Variants in SZT2 observed in about 807,000 individuals in gnomAD.
SZT2 encodes KICSTOR complex protein SZT2.
In SZT2, 216 loss-of-function variants were observed where a neutral mutation model predicts 404.2. The observed-to-expected ratio is 0.53, with a 90% CI of 0.48 to 0.60. SZT2 has a LOEUF of 0.60. Ranked by LOEUF, SZT2 falls within the 20% of genes least tolerant of loss-of-function variation. The pLI, the probability that SZT2 is intolerant of heterozygous loss-of-function variation, is 0.00. For missense variants in SZT2, 3,857 were observed against 4,459.2 expected (o/e 0.86, Z 3.85); for synonymous variants, 1,693 against 1,749.9 (o/e 0.97, Z 0.81).
rs373445250 is a variant in SZT2, at chr1:43,451,950, C to T, written c.*1470C>T. 12 of 1,612,010 alleles carry T rather than the reference C, an allele frequency of 7.4e-6. No individual in the cohort carries two copies. The African/African-American group carries it at 8.0e-5, about 11-fold the overall frequency. On this transcript the variant is annotated 3_prime_UTR_variant, in exon 72 of 72. Coordinates refer to ENST00000634258, the MANE Select transcript of SZT2 (RefSeq NM_001365999.1). ...GGGGTCGTACCCTGCTGGGGCGTGT[C>T]CAGGAAGTACTGGGGGTCAGTGATG... is the stretch of plus-strand genomic sequence containing the variant.
chr1:43,403,155 AT>A, intron 1 of SZT2, 21 bp from the exon 2 acceptor site: 1 of 1,612,972 alleles, frequency 6.2e-7, no homozygotes, highest in South Asian at 1.1e-5. Flanking sequence ...TTAAAGATGT[AT>A]TAATGTCTCT....
chr1:43,436,965 G>A, intron 42 of SZT2: 1 of 613,826 alleles, frequency 1.6e-6, no homozygotes, highest in South Asian at 2.1e-5. Flanking sequence ...GATAGTTCTG[G>A]AAGCCTTTGT....
rs1309630120 is a variant in SZT2, at chr1:43,426,731, G to C, written c.3231G>C (p.Leu1077=). Residue 1077 remains leucine, a synonymous_variant, in exon 23 of 72, where the codon CTG becomes CTC. Coordinates refer to ENST00000634258, the MANE Select transcript of SZT2 (RefSeq NM_001365999.1). This position sits in a 1 kb window ranked among gnomAD's most constrained non-coding sequence, Gnocchi z 4.9. Reference sequence around the variant, plus strand: ...CCATTGTAGGTGCCGAGGGGCCACTGCTGGGGGTTCATGGGATCCCGAAGG... The same window carrying C: ...CCATTGTAGGTGCCGAGGGGCCACTCCTGGGGGTTCATGGGATCCCGAAGG... ...TCHVPGAEGP[L]LGVHGIPKEQ... 6.2e-7 allele frequency: 1 copy of C among 1,612,478 alleles called. No homozygotes were observed. The highest frequency in any genetic ancestry group is 8.5e-7 in the Non-Finnish European group (1 of 1,179,380).
chr1:43,453,420 C>A lies in SZT2; in HGVS notation c.*2940C>A. On this transcript the variant is annotated 3_prime_UTR_variant, in exon 72 of 72. Transcript: ENST00000634258. ...CCCAGGGCTTTGGCATACCGCACGGCCTGCTCCAGTCCCTCTCGGAAGGCC... is the reference window on the plus strand; with the variant it reads ...CCCAGGGCTTTGGCATACCGCACGGACTGCTCCAGTCCCTCTCGGAAGGCC... 6.4e-7 allele frequency: 1 copy of A among 1,560,202 alleles called. No individual in the cohort carries two copies.
intron 1 of SZT2, among the ~76,000 whole-genome samples, chr1:43,399,422 T>G (rs2153928723): frequency 6.6e-6 from 1 of 151,928 alleles, no homozygotes; most frequent in South Asian, 2.1e-4. Context: ...GTTGTTAGTC[T>G]GCGGTGGGAG....
rs1214124936 is a variant in SZT2, at chr1:43,430,038, C to A, written c.4336C>A (p.His1446Asn). The A allele has an allele frequency of 6.2e-7, 1 of 1,614,044 alleles. No homozygotes were observed. The highest frequency in any genetic ancestry group is 8.5e-7 in the Non-Finnish European group (1 of 1,180,042). ...QEKFLEISRL[H>N]FRTVPSNPHY... ...GAAGTTCCTAGAGATCAGTCGTCTC[C>A]ACTTCCGCACAGTGCCTTCCAATCC... The change falls in exon 30 of 72, where the codon CAC becomes AAC. Residue 1446 changes from histidine (H) to asparagine (N), a missense_variant. By Grantham distance (68) the His-to-Asn change is moderately conservative. Coordinates refer to ENST00000634258, the MANE Select transcript of SZT2 (RefSeq NM_001365999.1).
chr1:43,433,934 G>A (rs577959027), intron 40 of SZT2, among the ~76,000 whole-genome samples: 1 of 152,324 alleles, frequency 6.6e-6, no homozygotes, highest in South Asian at 2.1e-4. Context: ...GCACAGGCCA[G>A]TTAAATACTT....
intron 15 of SZT2, 73 bp downstream of exon 15, chr1:43,423,389 A>G: frequency 1.4e-6 from 2 of 1,404,558 alleles, no homozygotes; most frequent in Non-Finnish European, 1.9e-6. Context: ...GGCATGGCTT[A>G]GCCCGGTGTG....
At chr1:43,390,624 C>T (rs1327637784) in intron 1 of SZT2, among the ~76,000 whole-genome samples, 3 of 152,194 alleles carry the variant, frequency 2.0e-5, no homozygotes, top group African/African-American at 7.2e-5. Flanking sequence ...TCGTTAAATG[C>T]TAAGGAACAT....
At position 43,426,012 on chromosome 1, in the gene SZT2, T is replaced by C; in HGVS notation, c.2930-26T>C. The stretch of plus-strand genomic sequence containing the variant: ...GTGGGTAGGGTAATCTGCGTCTCAC[T>C]GTGTCCTGTCCTTCCTCCCTCGTAG... On this transcript the variant is annotated intron_variant, in intron 20 of 71. Coordinates refer to ENST00000634258, the MANE Select transcript of SZT2 (RefSeq NM_001365999.1). The surrounding 1 kb of genome is among the most constrained non-coding windows in gnomAD (Gnocchi z 4.9). 1 of 1,613,576 alleles carries C rather than the reference T, an allele frequency of 6.2e-7. No homozygotes were observed. The highest frequency in any genetic ancestry group is 2.2e-5 in the East Asian group (1 of 44,850).
Position 43,453,320 on chromosome 1 carries a change from C to T in SZT2, c.*2840C>T, listed in dbSNP as rs1656643123. On this transcript the variant is annotated 3_prime_UTR_variant, in exon 72 of 72. Transcript: ENST00000634258. The stretch of plus-strand genomic sequence containing the variant: ...TTCTGAGCGTCTCAGATCTGGCGTC[C>T]TCGACTCCCTGAACCTGCATCAGGG... 5 of 1,090,332 alleles carry T rather than the reference C, an allele frequency of 4.6e-6. No individual in the cohort carries two copies. The highest frequency in any genetic ancestry group is 6.6e-6 in the Non-Finnish European group (5 of 752,836). 67.5% of individuals were successfully genotyped at this position (1,090,332 alleles called of 1,614,324 possible).
At chr1:43,404,675 G>A (rs1015908246) in intron 4 of SZT2, 125 bp downstream of exon 4, 2 of 962,758 alleles carry the variant, frequency 2.1e-6, no homozygotes, top group East Asian at 5.0e-5. Flanking sequence ...TCTTGAACCT[G>A]TTTTCTAGTC....
chr1:43,428,593 C>G (rs748553463), intron 28 of SZT2, 107 bp downstream of exon 28: 1 of 1,461,660 alleles, frequency 6.8e-7, no homozygotes, highest in African/African-American at 1.4e-5. Context: ...TATCTAAGCA[C>G]CTGAGAAGCA....
intron 1 of SZT2, among the ~76,000 whole-genome samples, chr1:43,401,808 A>G (rs1460990706): frequency 6.6e-6 from 1 of 151,970 alleles, no homozygotes; most frequent in Non-Finnish European, 1.5e-5. Flanking sequence ...TTTACATAGT[A>G]CTTTTGCATA....
chr1:43,404,062 T>C, intron 3 of SZT2: 1 of 509,718 alleles, frequency 2.0e-6, no homozygotes, highest in East Asian at 3.2e-5. Context: ...ATACAAAAAT[T>C]AGCCAGGCAT....
Position 43,423,176 on chromosome 1 carries a change from G to T in SZT2, c.2115G>T (p.Lys705Asn). Reference sequence around the variant, plus strand: ...TACAAAGCAAGGAGCCAACGCCCAAGGTGAAACGAAAAGGGCTAGGGGGTG... The same window carrying T: ...TACAAAGCAAGGAGCCAACGCCCAATGTGAAACGAAAAGGGCTAGGGGGTG... ...HRVQSKEPTP[K>N]VKRKGLGGAG... is the part of the protein sequence containing the mutation. Residue 705 changes from lysine to asparagine, a missense_variant, in exon 15 of 72, where the codon AAG (lysine) becomes AAT (asparagine). Coordinates refer to ENST00000634258, the MANE Select transcript of SZT2 (RefSeq NM_001365999.1). The T allele has an allele frequency of 6.3e-7, 1 of 1,597,602 alleles. No individual in the cohort carries two copies.
chr1:43,391,142 C>T lies in SZT2; in HGVS notation c.27+1147C>T, dbSNP rs560648000. On this transcript the variant is annotated intron_variant, in intron 1 of 71. Coordinates refer to ENST00000634258, the MANE Select transcript of SZT2 (RefSeq NM_001365999.1). Reference sequence around the variant, plus strand: ...CCAGCCTGACCAACATGGAGAAAGCCTGTCTGTACTGAAAATGCAAAATTA... The same window carrying T: ...CCAGCCTGACCAACATGGAGAAAGCTTGTCTGTACTGAAAATGCAAAATTA... 2.6e-5 allele frequency among the ~76,000 whole-genome samples: 4 copies of T among 152,262 alleles called. No homozygotes were observed. The East Asian group carries it at 7.7e-4, about 29-fold the overall frequency.
chr1:43,430,130 T>C lies in SZT2; in HGVS notation c.4401+27T>C, dbSNP rs779115162. ...TGAGTGGCTCTCTTCCTTACCTCTC[T>C]CGTGCCCTCAACCCAGAGGCCCACC... is the stretch of plus-strand genomic sequence containing the variant. On this transcript the variant is annotated intron_variant, in intron 30 of 71. Coordinates refer to ENST00000634258, the MANE Select transcript of SZT2 (RefSeq NM_001365999.1). The C allele has an allele frequency of 6.2e-6, 10 of 1,613,072 alleles. No individual in the cohort carries two copies. In the East Asian group the frequency reaches 2.2e-4, roughly 36 times the overall value.
At chr1:43,429,581 A>G (rs1421605535) in intron 28 of SZT2, 122 bp from the exon 29 acceptor site, 2 of 1,242,754 alleles carry the variant, frequency 1.6e-6, no homozygotes, top group African/African-American at 1.5e-5. Context: ...CACCCATGCC[A>G]TTACGCTAAG....
Sources: gnomAD v4.1 joint callset for allele counts (sites outside exome capture counted in the v4.1 genomes callset) on GRCh38, gnomAD v4.1.1 for gene constraint, Gnocchi (gnomAD v3.1) non-coding constraint, MANE v1.5 for transcripts, NCBI Gene and HGNC (gene_info 2026-07-23, HGNC 2026-07-21) for gene names.